SLC12A5: variants seen among roughly 807,000 people sequenced by gnomAD.
The protein encoded by SLC12A5 is solute carrier family 12 member 5.
SLC12A5 carries 18 observed loss-of-function variants against 124.0 expected under a neutral mutation model. The ratio of observed to expected loss-of-function variants is 0.15; its 90% CI spans 0.10 to 0.22. The LOEUF is 0.22. Ranked by LOEUF, SLC12A5 falls within the 10% of genes least tolerant of loss-of-function variation. The pLI is 1.00. For missense variants in SLC12A5, 867 were observed against 1,478.7 expected (o/e 0.59, Z 6.78); for synonymous variants, 589 against 568.0 (o/e 1.04, Z -0.53).
chr20:46,057,160 C>A lies in SLC12A5; in HGVS notation c.3126-10C>A. ...GCTCACGCGGTCTCCACTCCTCCTTCCTGCCGCAGGAACCAGTCCAACGTG... is the reference window on the plus strand; with the variant it reads ...GCTCACGCGGTCTCCACTCCTCCTTACTGCCGCAGGAACCAGTCCAACGTG... On this transcript the variant is annotated splice_polypyrimidine_tract_variant and intron_variant, in intron 24 of 25. Transcript: ENST00000243964. This position sits in a 1 kb window ranked among gnomAD's most constrained non-coding sequence, Gnocchi z 7.1. The A allele has an allele frequency of 6.2e-7, 1 of 1,613,932 alleles. No homozygotes were observed. Among genetic ancestry groups the A allele is most frequent in the Non-Finnish European group, 8.5e-7 (1 of 1,179,896 alleles).
At chr20:46,044,573 G>A (rs765144858) in intron 11 of SLC12A5, among the ~76,000 whole-genome samples, 1 of 152,182 alleles carries the variant, frequency 6.6e-6, no homozygotes, top group Non-Finnish European at 1.5e-5. Flanking sequence ...AGAAATGTGT[G>A]CGCATGCCTG....
In SLC12A5 at chr20:46,029,284, G is replaced by T. The variant is rs1005159146; in HGVS notation, c.-61G>T. 4.0e-6 allele frequency: 6 copies of T among 1,515,844 alleles called. No homozygotes were observed. The East Asian group carries it at 1.5e-4, about 38-fold the overall frequency. 93.9% of individuals were successfully genotyped at this position (1,515,844 alleles called of 1,614,324 possible). A position where few individuals can be genotyped will look rare whatever the true frequency, so the allele number is the denominator to read the frequency against. On this transcript the variant is annotated 5_prime_UTR_variant, in exon 1 of 26. Transcript: ENST00000243964. ...CAGCGAACGAGAGAGCGGCGAAGGC[G>T]GGTAGAGGGGCGCGGGCGAGGCGGC...
chr20:46,024,263 C>T (rs2084378814), upstream of SLC12A5, among the ~76,000 whole-genome samples: 2 of 152,036 alleles, frequency 1.3e-5, no homozygotes, highest in Non-Finnish European at 2.9e-5. Context: ...ATTGCCAGCA[C>T]GTTGAAGGGT....
intron 21 of SLC12A5, 133 bp downstream of exon 21, chr20:46,055,156 C>T (rs2084678912): frequency 1.5e-6 from 1 of 669,190 alleles, no homozygotes; most frequent in Non-Finnish European, 2.7e-6. Flanking sequence ...CCCAACCACA[C>T]CTCCTGAAAC....
chr20:46,040,636 C>T (rs1333892247), intron 7 of SLC12A5, 22 bp downstream of exon 7: 1 of 1,610,990 alleles, frequency 6.2e-7, no homozygotes, highest in Non-Finnish European at 8.5e-7. Flanking sequence ...TGCTCTGAGC[C>T]CAAGGAATCG....
Position 46,041,471 on chromosome 20 carries a change from G to A in SLC12A5, c.997G>A (p.Glu333Lys). ...TCGCTTCCTCAACGCCACCTGTGATGAATACTTCACCCGAAACAATGTCAC... is the reference window on the plus strand; with the variant it reads ...TCGCTTCCTCAACGCCACCTGTGATAAATACTTCACCCGAAACAATGTCAC... Reference protein sequence around the residue: ...SSRFLNATCDEYFTRNNVTEI... With the variant: ...SSRFLNATCDKYFTRNNVTEI... Residue 333 changes from glutamate to lysine, a missense_variant, in exon 8 of 26, where the codon GAA (glutamate) becomes AAA (lysine). By Grantham distance (56) the Glu-to-Lys change is moderately conservative. Around this residue, in one of 9 missense-constraint regions of SLC12A5, gnomAD observed 127 missense variants for 164.1 expected, o/e 0.77. Coordinates refer to ENST00000243964, the MANE Select transcript of SLC12A5 (RefSeq NM_020708.5). 5.0e-6 allele frequency: 8 copies of A among 1,614,132 alleles called. No individual in the cohort carries two copies. The highest frequency in any genetic ancestry group is 6.8e-6 in the Non-Finnish European group (8 of 1,180,026).
chr20:46,053,109 C>T lies in SLC12A5; in HGVS notation c.2530C>T (p.Leu844=), dbSNP rs765768984. 1 of 1,610,452 alleles carries T rather than the reference C, an allele frequency of 6.2e-7. No homozygotes were observed. The highest frequency in any genetic ancestry group is 1.7e-5 in the Admixed American group (1 of 59,954). ...DGGMLMLLPF[L]LRHHKVWRKC... is the part of the protein sequence containing the mutation. ...AGGCATGCTCATGCTGCTGCCCTTCCTGCTGCGGCACCACAAGGTGAGTTG... is the reference window on the plus strand; with the variant it reads ...AGGCATGCTCATGCTGCTGCCCTTCTTGCTGCGGCACCACAAGGTGAGTTG... The change falls in exon 19 of 26, where the codon CTG becomes TTG. Residue 844 remains leucine, a synonymous_variant. Coordinates refer to ENST00000243964, the MANE Select transcript of SLC12A5 (RefSeq NM_020708.5). The surrounding 1 kb of genome is among the most constrained non-coding windows in gnomAD (Gnocchi z 4.7).
In SLC12A5 at chr20:46,040,345, A is replaced by T. The variant is rs749289545; in HGVS notation, c.613-28A>T. 3 of 1,611,302 alleles carry T rather than the reference A, an allele frequency of 1.9e-6. No homozygotes were observed. The East Asian group carries it at 6.7e-5, about 36-fold the overall frequency. On this transcript the variant is annotated intron_variant, in intron 6 of 25. Transcript: ENST00000243964. The stretch of plus-strand genomic sequence containing the variant: ...AGTGCAAAGGGCTGCTGACTTAGGT[A>T]TCTGTTCTTCCTGCCCCTTTCCCAC...
intron 5 of SLC12A5, 74 bp downstream of exon 5, chr20:46,036,869 A>G (rs1435195324): frequency 4.5e-6 from 7 of 1,546,776 alleles, no homozygotes; most frequent in East Asian, 2.2e-5. Flanking sequence ...GCTTTGGGGG[A>G]CATCAAGGCC....
chr20:46,054,687 G>A (rs1277216970), intron 20 of SLC12A5, among the ~76,000 whole-genome samples: 1 of 152,144 alleles, frequency 6.6e-6, no homozygotes, highest in Non-Finnish European at 1.5e-5. Context: ...GTCCTGTGCT[G>A]GGCTGAGGAG....
rs1445539129 is a variant in SLC12A5, at chr20:46,043,172, C to T, written c.1086C>T (p.Tyr362=). The T allele has an allele frequency of 2.5e-6, 4 of 1,613,806 alleles. No individual in the cohort carries two copies. The highest frequency in any genetic ancestry group is 3.4e-6 in the Non-Finnish European group (4 of 1,179,924). ...GLIKENLWSS[Y]LTKGVIVERS... ...CCACAGAGAACCTCTGGAGCTCCTACCTGACCAAGGGCGTGATTGTGGAGA... is the reference window on the plus strand; with the variant it reads ...CCACAGAGAACCTCTGGAGCTCCTATCTGACCAAGGGCGTGATTGTGGAGA... Residue 362 remains tyrosine (Y), a synonymous_variant, in exon 9 of 26, where the codon TAC becomes TAT. Coordinates refer to ENST00000243964, the MANE Select transcript of SLC12A5 (RefSeq NM_020708.5).
chr20:46,037,049 G>A (rs1013278261), intron 5 of SLC12A5, among the ~76,000 whole-genome samples: 1 of 151,934 alleles, frequency 6.6e-6, no homozygotes, highest in Non-Finnish European at 1.5e-5. Flanking sequence ...TCCTTAAAGG[G>A]GTAATTAGCA....
chr20:46,037,918 C>T (rs2084512577), intron 6 of SLC12A5, among the ~76,000 whole-genome samples: 1 of 152,120 alleles, frequency 6.6e-6, no homozygotes, highest in African/African-American at 2.4e-5. Flanking sequence ...AGAGAAGAAC[C>T]AGGGGAGGGA....
At chr20:46,046,970 G>A (rs2084601357) in intron 14 of SLC12A5, among the ~76,000 whole-genome samples, 1 of 152,214 alleles carries the variant, frequency 6.6e-6, no homozygotes, top group Non-Finnish European at 1.5e-5. Flanking sequence ...GAGCAGAAAT[G>A]ATCATGCTTG....
Position 46,057,207 on chromosome 20 carries a change from C to G in SLC12A5, c.3163C>G (p.Arg1055Gly). 1 of 1,614,222 alleles carries G rather than the reference C, an allele frequency of 6.2e-7. No homozygotes were observed. The highest frequency in any genetic ancestry group is 1.1e-5 in the South Asian group (1 of 91,090). ...SNVRRMHTAV[R>G]LNEVIVKKSR... ...CGTGCGGCGCATGCACACGGCCGTG[C>G]GGCTGAACGAGGTCATCGTGAAGAA... Residue 1055 changes from arginine to glycine, a missense_variant, in exon 25 of 26, where the codon CGG (arginine) becomes GGG (glycine). Physicochemically the swap from Arg to Gly is moderately radical, Grantham distance 125 (BLOSUM62 -2). Coordinates refer to ENST00000243964, the MANE Select transcript of SLC12A5 (RefSeq NM_020708.5). The surrounding 1 kb of genome is among the most constrained non-coding windows in gnomAD (Gnocchi z 7.1).
rs3746519 is a variant in SLC12A5, at chr20:46,037,307, T to C, written c.534T>C (p.Gly178=). The change falls in exon 6 of 26, where the codon GGT becomes GGC. Residue 178 remains glycine (G), a synonymous_variant. Coordinates refer to ENST00000243964, the MANE Select transcript of SLC12A5 (RefSeq NM_020708.5). ...ISRSLGPEFG[G]AVGLCFYLGT... ...GGTCTCTGGGCCCAGAGTTTGGGGG[T>C]GCCGTGGGCCTCTGCTTCTACCTGG... 0.028 allele frequency: 44,482 copies of C among 1,612,408 alleles called. 1,188 individuals are homozygous for C. The highest frequency in any genetic ancestry group is 0.14 in the Admixed American group (8,457 of 59,790).
At chr20:46,031,631 C>T (rs1202544652) in intron 1 of SLC12A5, among the ~76,000 whole-genome samples, 1 of 152,200 alleles carries the variant, frequency 6.6e-6, no homozygotes, top group Admixed American at 6.5e-5. Context: ...TCTGACGCCC[C>T]GTCTCCCTCT....
Position 46,057,657 on chromosome 20 carries a change from G to A in SLC12A5, c.*52G>A, listed in dbSNP as rs1416163596. On this transcript the variant is annotated 3_prime_UTR_variant, in exon 26 of 26. Transcript: ENST00000243964. This position sits in a 1 kb window ranked among gnomAD's most constrained non-coding sequence, Gnocchi z 7.1. ...AGCGCGCCCGGCCCGCGGCTCCGGA[G>A]CCCTCGCCGCGCCCCCCGCCGCTGT... 1.5e-6 allele frequency: 2 copies of A among 1,374,112 alleles called. No individual in the cohort carries two copies. Among genetic ancestry groups the A allele is most frequent in the Non-Finnish European group, 2.0e-6 (2 of 998,682 alleles). The allele number at this position is 1,374,112 out of a possible 1,614,324, so 85.1% of individuals were successfully genotyped here. A position where few individuals can be genotyped will look rare whatever the true frequency, so the allele number is the denominator to read the frequency against.
At chr20:46,036,120 T>G in intron 4 of SLC12A5, 197 bp downstream of exon 4, 1 of 566,994 alleles carries the variant, frequency 1.8e-6, no homozygotes, top group Non-Finnish European at 3.0e-6. Flanking sequence ...TTAACCAGGT[T>G]TCACCTGGAT....
Sources: gnomAD v4.1 joint callset for allele counts (sites outside exome capture counted in the v4.1 genomes callset) on GRCh38, gnomAD v4.1.1 for gene constraint, gnomAD v4.1.1 regional missense constraint, Gnocchi (gnomAD v3.1) non-coding constraint, MANE v1.5 for transcripts, NCBI Gene and HGNC (gene_info 2026-07-23, HGNC 2026-07-21) for gene names.